Variants in LRP1B observed in about 807,000 individuals in gnomAD.
LRP1B encodes the protein low-density lipoprotein receptor-related protein 1B.
LRP1B carries 217 observed loss-of-function variants against 556.6 expected under a neutral mutation model. The observed-to-expected ratio is 0.39, with a 90% CI of 0.35 to 0.44. The LOEUF is 0.44. LRP1B is among the 20% of genes least tolerant of loss of function. LRP1B has a pLI of 1.00. For synonymous variants in LRP1B, 2,047 were observed against 1,865.8 expected (o/e 1.10, Z -2.50); for missense variants, 5,053 against 5,620.8 (o/e 0.90, Z 3.23).
intron 15 of LRP1B, among the ~76,000 whole-genome samples, chr2:141,000,426 A>C (rs1445437949): frequency 6.6e-6 from 1 of 152,114 alleles, no homozygotes; most frequent in African/African-American, 2.4e-5. Context: ...CAGGTTCTTA[A>C]GTGGATGTGA....
rs1040956067 is a variant in LRP1B at position 140,414,387 on chromosome 2, T to TA, written c.10414+28116dup. On this transcript the variant is annotated intron_variant, in intron 66 of 90. Coordinates refer to ENST00000389484, the MANE Select transcript of LRP1B (RefSeq NM_018557.3). ...CCTCACATAATAATAGTAAAATATT[T>TA]AAAAAAAAATACACTTATTGTTCTG... Among the ~76,000 whole-genome samples, 550 of 151,590 alleles carry TA rather than the reference T, an allele frequency of 3.6e-3. 5 individuals are homozygous for TA. Among genetic ancestry groups the TA allele is most frequent in the African/African-American group, 0.013 (519 of 41,334 alleles).
chr2:141,626,787 G>T (rs10177900), intron 2 of LRP1B, among the ~76,000 whole-genome samples: 1 of 152,044 alleles, frequency 6.6e-6, no homozygotes, highest in Admixed American at 6.5e-5. Context: ...AAATCCAGAA[G>T]ATTGACAACA....
At chr2:140,944,918 A>G (rs1466260357) in intron 20 of LRP1B, among the ~76,000 whole-genome samples, 1 of 152,186 alleles carries the variant, frequency 6.6e-6, no homozygotes. Context: ...GAGAGCAATC[A>G]GTTAATAGAA....
At chr2:141,741,129 T>C (rs1234366214) in intron 2 of LRP1B, among the ~76,000 whole-genome samples, 2 of 152,134 alleles carry the variant, frequency 1.3e-5, no homozygotes, top group Admixed American at 6.6e-5. Flanking sequence ...TAGTACTCCA[T>C]GGTGTATAAG....
At chr2:140,428,064 C>A (rs1353830108) in intron 66 of LRP1B, among the ~76,000 whole-genome samples, 1 of 152,150 alleles carries the variant, frequency 6.6e-6, no homozygotes, top group African/African-American at 2.4e-5. Flanking sequence ...CAGCCCAATT[C>A]ATGGCTTGTT....
intron 1 of LRP1B, among the ~76,000 whole-genome samples, chr2:141,966,195 A>T (rs554030575): frequency 6.6e-6 from 1 of 151,934 alleles, no homozygotes; most frequent in South Asian, 2.1e-4. Flanking sequence ...AAATAACTAC[A>T]GCAGGACAAA....
chr2:141,498,648 G>A (rs7569047), intron 2 of LRP1B, among the ~76,000 whole-genome samples: 84,426 of 151,708 alleles, frequency 0.56, 23,891 homozygotes, highest in African/African-American at 0.65. Context: ...CACTCCCCCA[G>A]CCCCCATCCT....
chr2:141,243,272 C>T (rs1683948107), intron 5 of LRP1B, among the ~76,000 whole-genome samples: 1 of 151,606 alleles, frequency 6.6e-6, no homozygotes, highest in South Asian at 2.1e-4. Context: ...TGTTTGAGGC[C>T]AGGAGTTCAA....
intron 21 of LRP1B, among the ~76,000 whole-genome samples, chr2:140,911,319 G>T (rs1694411398): frequency 1.3e-5 from 2 of 151,702 alleles, no homozygotes; most frequent in Non-Finnish European, 3.0e-5. Flanking sequence ...GTTCAAATTG[G>T]TTGCCTCTGG....
At chr2:140,873,482 C>T (rs1693205136) in intron 25 of LRP1B, among the ~76,000 whole-genome samples, 1 of 151,880 alleles carries the variant, frequency 6.6e-6, no homozygotes. Flanking sequence ...AATACAAATA[C>T]AAAGTTAGTT....
chr2:141,208,622 C>T (rs1682392828), intron 6 of LRP1B, among the ~76,000 whole-genome samples: 1 of 151,922 alleles, frequency 6.6e-6, no homozygotes, highest in South Asian at 2.1e-4. Flanking sequence ...AATCCCAGAA[C>T]TCTGGGAGGC....
intron 60 of LRP1B, among the ~76,000 whole-genome samples, chr2:140,458,937 T>C (rs1160026593): frequency 6.6e-6 from 1 of 152,016 alleles, no homozygotes; most frequent in Non-Finnish European, 1.5e-5. Flanking sequence ...ATAAGTCATA[T>C]ATTAAGTCAC....
chr2:141,387,488 T>C (rs1689874242), intron 3 of LRP1B, among the ~76,000 whole-genome samples: 1 of 152,042 alleles, frequency 6.6e-6, no homozygotes, highest in Non-Finnish European at 1.5e-5. Context: ...AGACATTACT[T>C]CCAAACTTTT....
chr2:141,235,710 C>G (rs1291807006), intron 5 of LRP1B, among the ~76,000 whole-genome samples: 3 of 152,172 alleles, frequency 2.0e-5, no homozygotes, highest in South Asian at 4.1e-4. Context: ...GTTTTCCGAG[C>G]ATATTTTAGG....
At chr2:141,441,262 G>A (rs1680955863) in intron 3 of LRP1B, among the ~76,000 whole-genome samples, 1 of 151,894 alleles carries the variant, frequency 6.6e-6, no homozygotes, top group Non-Finnish European at 1.5e-5. Context: ...TTTTTTAGTG[G>A]AGAGGGGTTT....
At chr2:140,263,371 C>A (rs1682036437) in intron 86 of LRP1B, among the ~76,000 whole-genome samples, 1 of 152,108 alleles carries the variant, frequency 6.6e-6, no homozygotes, top group African/African-American at 2.4e-5. Context: ...GTGGTTGAAT[C>A]CATGAGCCAC....
intron 56 of LRP1B, among the ~76,000 whole-genome samples, chr2:140,494,438 G>A (rs1021990056): frequency 5.3e-5 from 8 of 151,606 alleles, no homozygotes; most frequent in Non-Finnish European, 7.4e-5. Flanking sequence ...CATCTCTACT[G>A]AAAATACAAA....
In LRP1B at chr2:140,601,512, T is replaced by C. The variant is rs758455657; in HGVS notation, c.6927A>G (p.Glu2309=). The C allele has an allele frequency of 8.7e-6, 14 of 1,613,008 alleles. No homozygotes were observed. In the South Asian group the frequency reaches 1.4e-4, roughly 16 times the overall value. The part of the protein sequence containing the change: ...DQTRPGAFDR[E]AVITMSEDDH... ...CATCTTCTGACATGGTGATGACAGC[T>C]TCCCTGTCAAATGCTCCAGGCCGAG... The change falls in exon 42 of 91, where the codon GAA becomes GAG. Residue 2309 remains glutamate (E), a synonymous_variant. Coordinates refer to ENST00000389484, the MANE Select transcript of LRP1B (RefSeq NM_018557.3).
intron 35 of LRP1B, among the ~76,000 whole-genome samples, chr2:140,753,153 T>C (rs1688640134): frequency 6.6e-6 from 1 of 152,194 alleles, no homozygotes; most frequent in African/African-American, 2.4e-5. Context: ...TGCAATAGTG[T>C]GATCATAGAC....
Sources: allele counts gnomAD v4.1 joint callset (sites outside exome capture counted in the v4.1 genomes callset), GRCh38; gene constraint gnomAD v4.1.1; transcripts MANE v1.5; gene names NCBI Gene and HGNC (gene_info 2026-07-23, HGNC 2026-07-21).